Variants in NUP35 observed in about 807,000 individuals in gnomAD.
NUP35 encodes nucleoporin NUP35.
In NUP35, 25 loss-of-function variants were observed where a neutral mutation model predicts 41.5. The observed-to-expected ratio is 0.60, with a 90% confidence interval of 0.44 to 0.84. NUP35 has a LOEUF of 0.84. Ranked by LOEUF, NUP35 falls within the 40% of genes least tolerant of loss-of-function variation. NUP35 has a pLI of 0.00. For synonymous variants in NUP35, 149 were observed against 130.7 expected (o/e 1.14, Z -0.96); for missense variants, 396 against 396.6 (o/e 1.00, Z 0.01).
chr2:183,137,317 G>A (rs1365465261), intron 4 of NUP35, among the ~76,000 whole-genome samples: 2 of 152,176 alleles, frequency 1.3e-5, no homozygotes, highest in African/African-American at 4.8e-5. Context: ...AGTCATGCCA[G>A]GTGCCACTGG....
chr2:183,161,102 A>C lies in NUP35; in HGVS notation c.952A>C (p.Lys318Gln). ...TPKKDESLVS[K>Q]AMEYMFGW is the part of the protein sequence containing the mutation. Reference sequence around the variant, plus strand: ...AAAAAAAGATGAAAGTCTTGTATCCAAAGCAATGGAGTACATGTTTGGCTG... The same window carrying C: ...AAAAAAAGATGAAAGTCTTGTATCCCAAGCAATGGAGTACATGTTTGGCTG... Residue 318 changes from lysine to glutamine, a missense_variant, in exon 9 of 9, where the codon AAA becomes CAA. Lys to Gln is a moderately conservative substitution (Grantham distance 53). Transcript: ENST00000295119. 6.2e-7 allele frequency: 1 copy of C among 1,613,374 alleles called. No homozygotes were observed. Among genetic ancestry groups the C allele is most frequent in the Non-Finnish European group, 8.5e-7 (1 of 1,179,526 alleles).
chr2:183,158,414 A>G lies in NUP35; in HGVS notation c.738+3A>G, dbSNP rs1685752231. On this transcript the variant is annotated splice_donor_region_variant and intron_variant, in intron 7 of 8. Transcript: ENST00000295119. ...GTGTAAAACCATGTATTGACAAAGT[A>G]AGTTATTGGTGATGTAGGCAAAGTA... The G allele has an allele frequency of 6.3e-7, 1 of 1,593,070 alleles. No individual in the cohort carries two copies. The highest frequency in any genetic ancestry group is 1.3e-5 in the African/African-American group (1 of 74,464).
chr2:183,131,034 T>A, intron 3 of NUP35: 1 of 597,012 alleles, frequency 1.7e-6, no homozygotes, highest in Non-Finnish European at 2.8e-6. Flanking sequence ...CAGGCTAGAG[T>A]GCAGCGGCAC....
intron 5 of NUP35, among the ~76,000 whole-genome samples, chr2:183,156,661 T>C (rs1233060437): frequency 6.6e-6 from 1 of 151,886 alleles, no homozygotes; most frequent in African/African-American, 2.4e-5. Flanking sequence ...AGATTTTTAA[T>C]GTGTTTGGTT....
intron 4 of NUP35, among the ~76,000 whole-genome samples, chr2:183,143,312 G>A (rs183226653): frequency 1.3e-5 from 2 of 150,338 alleles, no homozygotes; most frequent in Admixed American, 6.6e-5. Flanking sequence ...ATCATTGCTG[G>A]TGAGCAAATA....
intron 4 of NUP35, among the ~76,000 whole-genome samples, chr2:183,143,173 A>G (rs1685161560): frequency 6.7e-6 from 1 of 148,194 alleles, no homozygotes; most frequent in African/African-American, 2.5e-5. Flanking sequence ...AAAAAAAAGA[A>G]AAGAAATACA....
At chr2:183,143,328 C>G (rs931927822) in intron 4 of NUP35, among the ~76,000 whole-genome samples, 8 of 149,910 alleles carry the variant, frequency 5.3e-5, no homozygotes, top group African/African-American at 2.0e-4. Flanking sequence ...AAATATTTAT[C>G]AAATGAGGCA....
chr2:183,130,406 T>TTG lies in NUP35; in HGVS notation c.212-12_212-11insTG. ...GAATCCCTTTTTTTTTTTTTTTTTT[T>TTG]GTACACTGTAGGTGGGTCACCACCA... On this transcript the variant is annotated splice_polypyrimidine_tract_variant and intron_variant, in intron 2 of 8. Coordinates refer to ENST00000295119, the MANE Select transcript of NUP35 (RefSeq NM_138285.5). 1 of 1,199,596 alleles carries TTG rather than the reference T, an allele frequency of 8.3e-7. No homozygotes were observed. Among genetic ancestry groups the TTG allele is most frequent in the Non-Finnish European group, 1.1e-6 (1 of 925,974 alleles). The allele number at this position is 1,199,596 out of a possible 1,614,324, so 74.3% of individuals were successfully genotyped here.
chr2:183,127,278 A>AT (rs55711123), intron 1 of NUP35, among the ~76,000 whole-genome samples: 23,570 of 144,496 alleles, frequency 0.16, 2,526 homozygotes, highest in East Asian at 0.46. Flanking sequence ...TGATTCTTTA[A>AT]TTTTTTTTTT....
intron 5 of NUP35, among the ~76,000 whole-genome samples, chr2:183,157,038 T>G (rs978824575): frequency 6.6e-6 from 1 of 152,212 alleles, no homozygotes; most frequent in African/African-American, 2.4e-5. Context: ...GTATAATGAT[T>G]CGTTTATAAT....
chr2:183,130,660 T>TTGCA (rs1309641715), intron 3 of NUP35, 115 bp downstream of exon 3: 16 of 1,107,336 alleles, frequency 1.4e-5, no homozygotes, highest in Non-Finnish European at 2.1e-5. Flanking sequence ...TGTAACTGTG[T>TTGCA]TGCACAGAAT....
chr2:183,159,821 G>A, intron 8 of NUP35, 169 bp downstream of exon 8: 1 of 493,594 alleles, frequency 2.0e-6, no homozygotes, highest in South Asian at 4.2e-5. Flanking sequence ...TTAACATCTT[G>A]GCCAATTGGA....
intron 1 of NUP35, among the ~76,000 whole-genome samples, chr2:183,125,420 A>G (rs1187027102): frequency 6.6e-6 from 1 of 152,162 alleles, no homozygotes; most frequent in East Asian, 1.9e-4. Flanking sequence ...AATGTAATAT[A>G]TATGGTGTGG....
At chr2:183,123,926 C>A, upstream of NUP35, 1 of 523,490 alleles carries the variant, frequency 1.9e-6, no homozygotes, top group Non-Finnish European at 2.5e-6. Flanking sequence ...GTATGAGTTA[C>A]GCTTTAATGT....
chr2:183,132,702 C>A (rs1274395729), intron 3 of NUP35, among the ~76,000 whole-genome samples: 1 of 152,170 alleles, frequency 6.6e-6, no homozygotes, highest in Non-Finnish European at 1.5e-5. Flanking sequence ...GTTTGAAAGA[C>A]TCGTGGGTCA....
intron 5 of NUP35, among the ~76,000 whole-genome samples, chr2:183,152,156 A>AC: frequency 7.2e-6 from 1 of 139,658 alleles, no homozygotes; most frequent in Non-Finnish European, 1.5e-5. Flanking sequence ...CACACACACA[A>AC]TGTCACAGGG....
chr2:183,159,846 T>TAA, intron 8 of NUP35, 194 bp downstream of exon 8: 1 of 421,958 alleles, frequency 2.4e-6, no homozygotes. Flanking sequence ...TATCATGAAT[T>TAA]AAAAAAAAAA....
chr2:183,154,893 A>C (rs900412400), intron 5 of NUP35, among the ~76,000 whole-genome samples: 1 of 152,200 alleles, frequency 6.6e-6, no homozygotes. Flanking sequence ...ACAGTTCCAC[A>C]TGGCTGGGGA....
chr2:183,130,564 T>A lies in NUP35; in HGVS notation c.339+19T>A. The A allele has an allele frequency of 6.2e-7, 1 of 1,609,094 alleles. No individual in the cohort carries two copies. Among genetic ancestry groups the A allele is most frequent in the Non-Finnish European group, 8.5e-7 (1 of 1,177,588 alleles). On this transcript the variant is annotated intron_variant, in intron 3 of 8. Coordinates refer to ENST00000295119, the MANE Select transcript of NUP35 (RefSeq NM_138285.5). The stretch of plus-strand genomic sequence containing the variant: ...AAGACAGGTAATATAAATACCCTTT[T>A]GATCCCCAATGAACAACATCATGGT...
Sources: gnomAD v4.1 joint callset for allele counts (sites outside exome capture counted in the v4.1 genomes callset) on GRCh38, gnomAD v4.1.1 for gene constraint, MANE v1.5 for transcripts, NCBI Gene and HGNC (gene_info 2026-07-23, HGNC 2026-07-21) for gene names.